The following PHKB variants were observed in gnomAD, a reference collection of about 807,000 sequenced individuals.
PHKB encodes the protein phosphorylase kinase regulatory subunit beta.
Under a neutral mutation model 152.1 loss-of-function variants are expected in PHKB, and 122 were observed. The ratio of observed to expected loss-of-function variants is 0.80; its 90% confidence interval spans 0.69 to 0.93. PHKB has a LOEUF of 0.93. PHKB is among the 40% of genes least tolerant of loss of function. The probability of loss-of-function intolerance (pLI) is 0.00; values close to 1 mark genes in which losing one functional copy is unlikely to be tolerated. For synonymous variants in PHKB, 436 were observed against 464.9 expected (o/e 0.94, Z 0.80); for missense variants, 1,304 against 1,328.4 (o/e 0.98, Z 0.29).
At chr16:47,492,514 A>G (rs1970166770) in intron 1 of PHKB, among the ~76,000 whole-genome samples, 1 of 152,216 alleles carries the variant, frequency 6.6e-6, no homozygotes, top group Non-Finnish European at 1.5e-5. Flanking sequence ...GAAAGACTTC[A>G]TTACTGTTCA....
At chr16:47,537,893 TC>T (rs1467128947) in intron 6 of PHKB, among the ~76,000 whole-genome samples, 1 of 149,812 alleles carries the variant, frequency 6.7e-6, no homozygotes, top group East Asian at 1.9e-4. Context: ...TCTCTCTCTC[TC>T]TCTCTCTCTT....
chr16:47,605,717 A>ATT (rs201837289), intron 13 of PHKB, among the ~76,000 whole-genome samples: 1 of 150,128 alleles, frequency 6.7e-6, no homozygotes, highest in East Asian at 1.9e-4. Flanking sequence ...GAAAAAGTGT[A>ATT]TTTTTTTTTT....
intron 29 of PHKB, 83 bp from the exon 30 acceptor site, chr16:47,698,365 A>T: frequency 9.9e-7 from 1 of 1,009,784 alleles, no homozygotes; most frequent in South Asian, 1.3e-5. Flanking sequence ...TATCCTTTGG[A>T]TCACCCATCC....
At chr16:47,662,554 T>C (rs1161426484) in intron 23 of PHKB, among the ~76,000 whole-genome samples, 2 of 152,238 alleles carry the variant, frequency 1.3e-5, no homozygotes, top group Non-Finnish European at 2.9e-5. Context: ...TTCTGGTAAT[T>C]AACTGAGCAT....
chr16:47,503,200 C>T (rs947865783), intron 4 of PHKB, 110 bp downstream of exon 4: 1 of 834,966 alleles, frequency 1.2e-6, no homozygotes, highest in Non-Finnish European at 2.0e-6. Context: ...AAGGGAAAGC[C>T]ACATCCTAGG....
chr16:47,565,053 A>C (rs911813322), intron 7 of PHKB: 3 of 431,120 alleles, frequency 7.0e-6, no homozygotes, highest in African/African-American at 6.2e-5. Flanking sequence ...GTGCAGAGAA[A>C]GTAGGAGAAA....
chr16:47,625,686 A>G (rs1972697123), intron 14 of PHKB, among the ~76,000 whole-genome samples: 1 of 152,172 alleles, frequency 6.6e-6, no homozygotes, highest in Admixed American at 6.5e-5. Flanking sequence ...AGTTACTCTA[A>G]TATATTACCC....
chr16:47,507,292 A>T (rs774652659), intron 4 of PHKB, among the ~76,000 whole-genome samples: 3 of 151,466 alleles, frequency 2.0e-5, no homozygotes, highest in Non-Finnish European at 4.4e-5. Flanking sequence ...GCTACTTTAA[A>T]TTCCTTAAAT....
intron 1 of PHKB, chr16:47,462,828 A>C (rs965436292): frequency 1.4e-4 from 21 of 151,928 alleles, no homozygotes; most frequent in African/African-American, 5.1e-4. Context: ...TACCTTACAA[A>C]AAGTTCAGCT....
intron 6 of PHKB, among the ~76,000 whole-genome samples, chr16:47,522,691 C>T (rs2151656382): frequency 6.6e-6 from 1 of 151,750 alleles, no homozygotes; most frequent in South Asian, 2.1e-4. Flanking sequence ...TTATAAATTT[C>T]CCTCTACTTA....
At chr16:47,496,988 T>A (rs181724685) in intron 1 of PHKB, among the ~76,000 whole-genome samples, 1 of 152,308 alleles carries the variant, frequency 6.6e-6, no homozygotes, top group Admixed American at 6.5e-5. Flanking sequence ...TATGATTATT[T>A]GAGAAAAATT....
At chr16:47,506,924 G>A (rs1387924470) in intron 4 of PHKB, among the ~76,000 whole-genome samples, 1 of 152,210 alleles carries the variant, frequency 6.6e-6, no homozygotes, top group African/African-American at 2.4e-5. Context: ...GACAAGCTTG[G>A]ATTAAGGTTT....
At chr16:47,518,757 C>G (rs1002244060) in intron 6 of PHKB, among the ~76,000 whole-genome samples, 2 of 152,158 alleles carry the variant, frequency 1.3e-5, no homozygotes, top group Admixed American at 6.5e-5. Flanking sequence ...AGAAACTCAT[C>G]ATATATGTTA....
intron 26 of PHKB, among the ~76,000 whole-genome samples, chr16:47,672,907 A>G (rs1973661377): frequency 6.6e-6 from 1 of 152,272 alleles, no homozygotes; most frequent in African/African-American, 2.4e-5. Flanking sequence ...AGGTGGCAAC[A>G]TGTGACTTAG....
intron 1 of PHKB, among the ~76,000 whole-genome samples, chr16:47,484,313 T>C (rs1338528769): frequency 6.6e-6 from 1 of 152,228 alleles, no homozygotes; most frequent in South Asian, 2.1e-4. Context: ...TTTTGCTTCC[T>C]TTTTATGAAG....
intron 7 of PHKB, among the ~76,000 whole-genome samples, chr16:47,577,594 T>C (rs35331280): frequency 0.028 from 4,334 of 152,276 alleles, 80 homozygotes; most frequent in Middle Eastern, 0.051. Flanking sequence ...ATTGTCTTGG[T>C]TTCTTCCTGA....
intron 14 of PHKB, among the ~76,000 whole-genome samples, chr16:47,611,511 G>T (rs976984320): frequency 6.6e-6 from 1 of 152,162 alleles, no homozygotes; most frequent in Non-Finnish European, 1.5e-5. Context: ...GTGGATTGTG[G>T]AAACTGCCTG....
At chr16:47,495,730 G>C (rs1045908716) in intron 1 of PHKB, among the ~76,000 whole-genome samples, 1 of 152,108 alleles carries the variant, frequency 6.6e-6, no homozygotes, top group African/African-American at 2.4e-5. Context: ...CCTGCCTGGA[G>C]CTAGTTGAAT....
At chr16:47,471,460 C>G (rs893329973) in intron 1 of PHKB, among the ~76,000 whole-genome samples, 1 of 152,084 alleles carries the variant, frequency 6.6e-6, no homozygotes, top group African/African-American at 2.4e-5. Flanking sequence ...TGGAAGGTGA[C>G]AAAAAGGCGG....
Sources: allele counts gnomAD v4.1 joint callset (sites outside exome capture counted in the v4.1 genomes callset), GRCh38; gene constraint gnomAD v4.1.1; transcripts MANE v1.5; gene names NCBI Gene and HGNC (gene_info 2026-07-23, HGNC 2026-07-21).